The following PPP2R3B variants were observed in gnomAD, a reference collection of about 807,000 sequenced individuals.
PPP2R3B encodes the protein serine/threonine-protein phosphatase 2A regulatory subunit B'' subunit beta.
A neutral mutation model predicts 72.9 loss-of-function variants in PPP2R3B; 68 were observed. The ratio of observed to expected loss-of-function variants is 0.93; its 90% CI spans 0.77 to 1.14. The LOEUF (loss-of-function observed/expected upper bound fraction) is 1.14, where lower values mean the gene tolerates loss of function less well. PPP2R3B is among the 50% of genes most tolerant of loss of function. The pLI is 0.00. For missense variants in PPP2R3B, 1,018 were observed against 842.0 expected (o/e 1.21, Z -2.59); for synonymous variants, 466 against 375.8 (o/e 1.24, Z -2.78).
In PPP2R3B at chrX:370,870, C is replaced by T. The variant is rs187421830; in HGVS notation, c.325-9280G>A. 1.5e-3 allele frequency among the ~76,000 whole-genome samples: 231 copies of T among 152,312 alleles called. 1 individual carries two copies. Among genetic ancestry groups the T allele is most frequent in the Middle Eastern group, 6.8e-3 (2 of 294 alleles). ...TCAGTTCCAAGTACAGCGGGGCTGC[C>T]GCGTAGGGGACGGCGCTTTCAGCCA... On this transcript the variant is annotated intron_variant, in intron 1 of 12. Transcript: ENST00000390665.
intron 1 of PPP2R3B, chrX:374,145 G>GGA (rs2071937592): frequency 6.6e-6 from 1 of 151,072 alleles, no homozygotes; most frequent in Non-Finnish European, 1.5e-5. Context: ...GGCGGAACGC[G>GGA]CATCAACAGG....
chrX:359,096 G>C (rs1477146884), intron 2 of PPP2R3B, among the ~76,000 whole-genome samples: 1 of 152,196 alleles, frequency 6.6e-6, no homozygotes, highest in Non-Finnish European at 1.5e-5. Flanking sequence ...CGGACGCAGC[G>C]CGTGAGCTGC....
intron 1 of PPP2R3B, among the ~76,000 whole-genome samples, chrX:364,804 A>G (rs1473409567): frequency 1.5e-5 from 1 of 66,654 alleles, no homozygotes; most frequent in Non-Finnish European, 2.6e-5. Flanking sequence ...AATCGCTTCA[A>G]CACAGGAGGC....
intron 5 of PPP2R3B, 67 bp from the exon 6 acceptor site, chrX:346,327 C>G: frequency 6.8e-7 from 1 of 1,461,666 alleles, no homozygotes; most frequent in Admixed American, 2.0e-5. Flanking sequence ...GCACGGAGAC[C>G]GGGAGCCGGG....
At chrX:380,447 G>A (rs1603140400) in intron 1 of PPP2R3B, among the ~76,000 whole-genome samples, 2 of 152,260 alleles carry the variant, frequency 1.3e-5, no homozygotes, top group East Asian at 3.9e-4. Context: ...ATAAGCACCT[G>A]AAAATTCCTC....
intron 4 of PPP2R3B, 72 bp from the exon 5 acceptor site, chrX:346,847 G>A: frequency 7.3e-7 from 1 of 1,373,526 alleles, no homozygotes; most frequent in Non-Finnish European, 1.0e-6. Flanking sequence ...TGTGGACGCT[G>A]CAGACGCGGA....
intron 1 of PPP2R3B, among the ~76,000 whole-genome samples, chrX:367,996 G>C (rs1442415604): frequency 6.6e-6 from 1 of 152,230 alleles, no homozygotes; most frequent in Non-Finnish European, 1.5e-5. Context: ...GGGGAAGACA[G>C]GCTGATGCTA....
intron 12 of PPP2R3B, chrX:336,792 A>C (rs1317516586): frequency 6.6e-6 from 1 of 152,370 alleles, no homozygotes; most frequent in African/African-American, 2.4e-5. Context: ...GGAAACACTC[A>C]GAAGTCTCAC....
intron 9 of PPP2R3B, 104 bp from the exon 10 acceptor site, chrX:341,044 G>A: frequency 2.1e-6 from 3 of 1,452,214 alleles, no homozygotes; most frequent in East Asian, 4.7e-5. Context: ...TCCCCGCTGT[G>A]CCTTGCAGCC....
Position 340,892 on chromosome X carries a change from C to T in PPP2R3B, c.1224G>A (p.Leu408=). The T allele has an allele frequency of 1.9e-6, 3 of 1,612,072 alleles. No individual in the cohort carries two copies. The highest frequency in any genetic ancestry group is 2.5e-6 in the Non-Finnish European group (3 of 1,179,692). ...AGAAGTACTCGAGCTCGAACATGGA[C>T]AGGGCGCCGTCCCCGTCCAGGTCCA... ...RCMDLDGDGA[L]SMFELEYFYE... The change falls in exon 10 of 13, where the codon CTG becomes CTA. Residue 408 remains leucine, a synonymous_variant. Transcript: ENST00000390665.
chrX:367,742 G>A (rs934486223), intron 1 of PPP2R3B, among the ~76,000 whole-genome samples: 1 of 152,186 alleles, frequency 6.6e-6, no homozygotes, highest in African/African-American at 2.4e-5. Context: ...CTAGTTACAA[G>A]ACAAAGGTCT....
In PPP2R3B at chrX:361,465, G is replaced by A. The variant is rs1255242429; in HGVS notation, c.450C>T (p.Ser150=). ...TCTCGTGGGGGAACCGGGCGAAGGTGCTCTCGATCTTGCTGATGACGGCAT... is the reference window on the plus strand; with the variant it reads ...TCTCGTGGGGGAACCGGGCGAAGGTACTCTCGATCTTGCTGATGACGGCAT... ...NVDAVISKIE[S]TFARFPHERA... Residue 150 remains serine, a synonymous_variant, in exon 2 of 13, where the codon AGC becomes AGT. Coordinates refer to ENST00000390665, the MANE Select transcript of PPP2R3B (RefSeq NM_013239.5). 3 of 1,614,000 alleles carry A rather than the reference G, an allele frequency of 1.9e-6. No homozygotes were observed. Among genetic ancestry groups the A allele is most frequent in the Non-Finnish European group, 2.5e-6 (3 of 1,179,870 alleles).
At chrX:380,931 T>C (rs1198883667) in intron 1 of PPP2R3B, among the ~76,000 whole-genome samples, 3 of 146,820 alleles carry the variant, frequency 2.0e-5, no homozygotes, top group Non-Finnish European at 3.0e-5. Context: ...ATACTGGCGT[T>C]TTCTTTCTTT....
chrX:371,470 G>C (rs1023657746), intron 1 of PPP2R3B, among the ~76,000 whole-genome samples: 2 of 152,014 alleles, frequency 1.3e-5, no homozygotes, highest in Non-Finnish European at 2.9e-5. Flanking sequence ...GTTCACCATC[G>C]GGGCAGGCAG....
intron 1 of PPP2R3B, among the ~76,000 whole-genome samples, chrX:368,153 C>CGG (rs2071765312): frequency 8.3e-6 from 1 of 120,698 alleles, no homozygotes; most frequent in African/African-American, 3.2e-5. Context: ...GGCACAGACA[C>CGG]GGGGAAGGCC....
At position 364,575 on chromosome X, in the gene PPP2R3B, G is replaced by A. The variant is rs769461447; in HGVS notation, c.325-2985C>T. On this transcript the variant is annotated intron_variant, in intron 1 of 12. Coordinates refer to ENST00000390665, the MANE Select transcript of PPP2R3B (RefSeq NM_013239.5). ...AAAAAGAGTATAAAAAAAATTAGCC[G>A]GGTGTGGTGGAGGGTGCCTGTACTC... Among the ~76,000 whole-genome samples the A allele has an allele frequency of 4.7e-4, 70 of 149,638 alleles. 1 individual carries two copies. Among genetic ancestry groups the A allele is most frequent in the East Asian group, 2.0e-3 (10 of 5,058 alleles).
intron 2 of PPP2R3B, 156 bp from the exon 3 acceptor site, chrX:347,849 C>T (rs192635972): frequency 2.3e-4 from 137 of 590,026 alleles, no homozygotes; most frequent in Middle Eastern, 1.3e-3. Flanking sequence ...GCAAACTCAA[C>T]GTGGCTTTCG....
intron 3 of PPP2R3B, 75 bp from the exon 4 acceptor site, chrX:347,411 C>T (rs2071244592): frequency 5.5e-6 from 8 of 1,446,268 alleles, no homozygotes; most frequent in Admixed American, 1.7e-5. Context: ...GGGTGGAACA[C>T]GTGTGTGGTG....
At chrX:370,466 G>C (rs2071835120) in intron 1 of PPP2R3B, among the ~76,000 whole-genome samples, 1 of 152,184 alleles carries the variant, frequency 6.6e-6, no homozygotes, top group Admixed American at 6.5e-5. Context: ...GGGGGACGTG[G>C]GGATCATTCT....
Sources: gnomAD v4.1 joint callset for allele counts (sites outside exome capture counted in the v4.1 genomes callset) on GRCh38, gnomAD v4.1.1 for gene constraint, MANE v1.5 for transcripts, NCBI Gene and HGNC (gene_info 2026-07-23, HGNC 2026-07-21) for gene names.